The following KAZN variants were observed in gnomAD, a reference collection of about 807,000 sequenced individuals.
The protein encoded by KAZN is kazrin, periplakin interacting protein, also known as kazrin.
KAZN carries 40 observed loss-of-function variants against 87.4 expected under a neutral mutation model. The observed-to-expected ratio is 0.46, with a 90% CI of 0.36 to 0.60. KAZN has a LOEUF of 0.60. Ranked by LOEUF, KAZN falls within the 20% of genes least tolerant of loss-of-function variation. The probability of loss-of-function intolerance (pLI) is 0.00; values close to 1 mark genes in which losing one functional copy is unlikely to be tolerated. For synonymous variants in KAZN, 466 were observed against 458.3 expected (o/e 1.02, Z -0.22); for missense variants, 898 against 1,073.9 (o/e 0.84, Z 2.29).
At chr1:14,961,107 G>A (rs974885205) in intron 2 of KAZN, among the ~76,000 whole-genome samples, 8 of 152,364 alleles carry the variant, frequency 5.3e-5, no homozygotes, top group Non-Finnish European at 7.3e-5. Context: ...ATGGCTGGAT[G>A]TGAGGTGTCT....
chr1:14,151,304 AT>A (rs1009882090), intron 1 of KAZN, among the ~76,000 whole-genome samples: 5 of 151,078 alleles, frequency 3.3e-5, no homozygotes, highest in East Asian at 1.9e-4. Flanking sequence ...TGAACCATGC[AT>A]TTTTTTTTCA....
At chr1:14,390,974 A>C (rs1293683502) in intron 2 of KAZN, among the ~76,000 whole-genome samples, 2 of 152,220 alleles carry the variant, frequency 1.3e-5, no homozygotes, top group African/African-American at 4.8e-5. Context: ...GCCATTGTGA[A>C]GATATTGGCT....
chr1:14,038,898 G>T (rs1312663649), intron 1 of KAZN, among the ~76,000 whole-genome samples: 1 of 152,198 alleles, frequency 6.6e-6, no homozygotes, highest in East Asian at 1.9e-4. Flanking sequence ...AGGCGCAGTG[G>T]CTCATGCCTG....
intron 2 of KAZN, among the ~76,000 whole-genome samples, chr1:14,412,947 A>G (rs1236311148): frequency 6.7e-6 from 1 of 149,098 alleles, no homozygotes; most frequent in African/African-American, 2.4e-5. Flanking sequence ...TCCTATATAT[A>G]ATACATAAAT....
chr1:14,889,932 C>T (rs987538075), intron 1 of KAZN, among the ~76,000 whole-genome samples: 8 of 152,154 alleles, frequency 5.3e-5, no homozygotes, highest in Non-Finnish European at 7.3e-5. Flanking sequence ...CAGACTGTGT[C>T]GGGTAGTATC....
chr1:14,504,233 G>A (rs1670429379), intron 2 of KAZN, among the ~76,000 whole-genome samples: 2 of 152,184 alleles, frequency 1.3e-5, no homozygotes, highest in Non-Finnish European at 2.9e-5. Context: ...TAGTGTAGAA[G>A]GAAGACTCAG....
chr1:14,717,041 A>G (rs1381891071), intron 1 of KAZN, among the ~76,000 whole-genome samples: 1 of 150,636 alleles, frequency 6.6e-6, no homozygotes, highest in East Asian at 2.0e-4. Context: ...TCCCTTGCCC[A>G]TGGAGGGAGA....
chr1:14,826,609 C>T (rs1358440580), intron 1 of KAZN, among the ~76,000 whole-genome samples: 1 of 152,192 alleles, frequency 6.6e-6, no homozygotes, highest in African/African-American at 2.4e-5. Context: ...GTTTCCCTCC[C>T]ATGTCAGTGG....
At chr1:14,454,488 C>T (rs1344832643) in intron 2 of KAZN, among the ~76,000 whole-genome samples, 1 of 152,176 alleles carries the variant, frequency 6.6e-6, no homozygotes, top group African/African-American at 2.4e-5. Context: ...GAATTCCCCA[C>T]CTCTTCTGGA....
At chr1:14,807,736 T>C (rs1274185090) in intron 1 of KAZN, among the ~76,000 whole-genome samples, 1 of 152,082 alleles carries the variant, frequency 6.6e-6, no homozygotes, top group African/African-American at 2.4e-5. Flanking sequence ...GCAACCACAC[T>C]GCAGCCTGGG....
chr1:14,167,804 A>G (rs1485911912), intron 1 of KAZN, among the ~76,000 whole-genome samples: 1 of 152,200 alleles, frequency 6.6e-6, no homozygotes, highest in African/African-American at 2.4e-5. Context: ...GCAAGGAAGT[A>G]AAAGGCCTTG....
intron 1 of KAZN, among the ~76,000 whole-genome samples, chr1:14,080,726 G>A (rs1159539662): frequency 6.6e-6 from 1 of 152,198 alleles, no homozygotes; most frequent in East Asian, 1.9e-4. Flanking sequence ...AGCACATAGA[G>A]CTTTGAGTAT....
At chr1:14,049,460 G>A (rs1642217711) in intron 1 of KAZN, among the ~76,000 whole-genome samples, 1 of 152,090 alleles carries the variant, frequency 6.6e-6, no homozygotes, top group Non-Finnish European at 1.5e-5. Context: ...AAAACTTAAA[G>A]TATAATTAAA....
intron 1 of KAZN, among the ~76,000 whole-genome samples, chr1:14,085,459 C>T (rs1643826179): frequency 6.6e-6 from 1 of 152,188 alleles, no homozygotes; most frequent in Non-Finnish European, 1.5e-5. Flanking sequence ...GGCAACCCTG[C>T]ACCTGCTTTC....
At chr1:14,846,552 G>A (rs1648785357) in intron 1 of KAZN, among the ~76,000 whole-genome samples, 1 of 152,074 alleles carries the variant, frequency 6.6e-6, no homozygotes, top group African/African-American at 2.4e-5. Flanking sequence ...GGTATTATTG[G>A]CCAAGGCTGA....
intron 11 of KAZN, among the ~76,000 whole-genome samples, chr1:15,102,733 C>T (rs1370721957): frequency 1.3e-5 from 2 of 152,172 alleles, no homozygotes; most frequent in East Asian, 1.9e-4. Flanking sequence ...GATACGGTGG[C>T]GAGATGGTGA....
intron 8 of KAZN, among the ~76,000 whole-genome samples, chr1:15,090,063 C>T (rs934093479): frequency 1.3e-5 from 2 of 152,214 alleles, no homozygotes; most frequent in African/African-American, 4.8e-5. Context: ...TTTCACACCC[C>T]CATAGCTTCG....
At chr1:14,183,804 A>C (rs1018266109) in intron 2 of KAZN, among the ~76,000 whole-genome samples, 1 of 152,166 alleles carries the variant, frequency 6.6e-6, no homozygotes, top group Non-Finnish European at 1.5e-5. Context: ...CCCCTCTTGA[A>C]GGCCGAGTGC....
intron 2 of KAZN, among the ~76,000 whole-genome samples, chr1:14,567,958 A>G (rs934520506): frequency 3.9e-5 from 6 of 152,208 alleles, no homozygotes; most frequent in Non-Finnish European, 7.3e-5. Context: ...CTTCAGTATG[A>G]CAAAGACTTA....
Sources: allele counts gnomAD v4.1 joint callset (sites outside exome capture counted in the v4.1 genomes callset), GRCh38; gene constraint gnomAD v4.1.1; transcripts MANE v1.5; gene names NCBI Gene and HGNC (gene_info 2026-07-23, HGNC 2026-07-21).